The following NR6A1 variants were observed in gnomAD, a reference collection of about 807,000 sequenced individuals.
NR6A1 encodes the protein nuclear receptor subfamily 6 group A member 1, also known as retinoic acid receptor-related testis-associated receptor.
In NR6A1, 7 loss-of-function variants were observed where a neutral mutation model predicts 59.1. That is an observed-to-expected ratio of 0.12 (90% CI 0.07 to 0.22). The LOEUF (loss-of-function observed/expected upper bound fraction) is 0.22. Ranked by LOEUF, NR6A1 falls within the 10% of genes least tolerant of loss-of-function variation. The pLI is 1.00. For missense variants in NR6A1, 468 were observed against 611.6 expected, an observed-to-expected ratio of 0.77 and a Z score of 2.48; for synonymous variants, 243 against 236.1, an observed-to-expected ratio of 1.03 and a Z score of -0.27.
At chr9:124,770,887 A>T (rs1255332641) in intron 1 of NR6A1, 133 bp downstream of exon 1, 9 of 445,510 alleles carry the variant, frequency 2.0e-5, no homozygotes, top group Non-Finnish European at 3.0e-5. Flanking sequence ...AACGGGGTGA[A>T]GGGCCACCCT....
At position 124,526,859 on chromosome 9, in the gene NR6A1, T is replaced by C. The variant is rs764365515; in HGVS notation, c.1121A>G (p.Tyr374Cys). 4 of 1,614,008 alleles carry C rather than the reference T, an allele frequency of 2.5e-6. No homozygotes were observed. The highest frequency in any genetic ancestry group is 1.1e-5 in the South Asian group (1 of 91,074). ...EGMEVIERLI[Y>C]LYHKFHQLKV... ...TAGCTGATGGAACTTGTGATAGAGGTAGATGAGCCGCTCGATCACCTCCAT... is the reference window on the plus strand; with the variant it reads ...TAGCTGATGGAACTTGTGATAGAGGCAGATGAGCCGCTCGATCACCTCCAT... The change falls in exon 8 of 10, where the codon TAC (tyrosine) becomes TGC (cysteine). Residue 374 changes from tyrosine to cysteine, a missense_variant. Tyr to Cys is a radical substitution (Grantham distance 194, BLOSUM62 -2). Transcript: ENST00000487099.
chr9:124,534,840 T>C (rs766575654), intron 7 of NR6A1, among the ~76,000 whole-genome samples: 24 of 152,126 alleles, frequency 1.6e-4, no homozygotes, highest in Non-Finnish European at 2.8e-4. Flanking sequence ...ATTAAAAATA[T>C]CTAGTCTAGA....
chr9:124,664,229 T>C (rs1333478112), intron 2 of NR6A1, among the ~76,000 whole-genome samples: 1 of 152,222 alleles, frequency 6.6e-6, no homozygotes, highest in African/African-American at 2.4e-5. Flanking sequence ...ATGCTGGATA[T>C]ACCACATAAC....
At chr9:124,714,393 A>G (rs1321566544) in intron 2 of NR6A1, among the ~76,000 whole-genome samples, 1 of 152,210 alleles carries the variant, frequency 6.6e-6, no homozygotes, top group Non-Finnish European at 1.5e-5. Context: ...ATGCTACGTC[A>G]TGTATATTTT....
At chr9:124,673,434 A>C (rs1837854964) in intron 2 of NR6A1, among the ~76,000 whole-genome samples, 1 of 152,160 alleles carries the variant, frequency 6.6e-6, no homozygotes, top group Admixed American at 6.6e-5. Context: ...GTGGTAAAGA[A>C]AATAAATTTA....
At chr9:124,745,515 T>C (rs1462924613) in intron 1 of NR6A1, among the ~76,000 whole-genome samples, 1 of 150,766 alleles carries the variant, frequency 6.6e-6, no homozygotes, top group African/African-American at 2.4e-5. Flanking sequence ...TTACTAAAAA[T>C]ACAAAATTAG....
intron 2 of NR6A1, among the ~76,000 whole-genome samples, chr9:124,710,562 T>C (rs1222369574): frequency 6.6e-6 from 1 of 152,244 alleles, no homozygotes; most frequent in Non-Finnish European, 1.5e-5. Context: ...AGCCCCATGA[T>C]TCTCAAGGTA....
intron 2 of NR6A1, among the ~76,000 whole-genome samples, chr9:124,606,205 A>G (rs1835571763): frequency 6.6e-6 from 1 of 152,130 alleles, no homozygotes; most frequent in Non-Finnish European, 1.5e-5. Flanking sequence ...GCTAGTTTCC[A>G]TGAATTATTT....
At position 124,684,904 on chromosome 9, in the gene NR6A1, T is replaced by C. The variant is rs1236185518; in HGVS notation, c.142+48404A>G. ...TTTACAATAGTTTTGGGTGCATCCC[T>C]GAGGCTAAGATGTTTGACTCATCAG... On this transcript the variant is annotated intron_variant, in intron 2 of 9. Transcript: ENST00000487099. 2.6e-5 allele frequency among the ~76,000 whole-genome samples: 4 copies of C among 152,150 alleles called. 1 individual carries two copies. The highest frequency in any genetic ancestry group is 5.9e-5 in the Non-Finnish European group (4 of 68,034).
chr9:124,726,937 G>T lies in NR6A1; in HGVS notation c.142+6371C>A, dbSNP rs577400046. ...TTCTGATGGAAATAATAGAACTAGG[G>T]GAAATCAAATCTGGCAGGTGTCTAC... is the stretch of plus-strand genomic sequence containing the variant. On this transcript the variant is annotated intron_variant, in intron 2 of 9. Transcript: ENST00000487099. Among the ~76,000 whole-genome samples the T allele has an allele frequency of 6.0e-4, 91 of 152,220 alleles. 1 individual carries two copies. In the South Asian group the frequency reaches 0.018, roughly 31 times the overall value.
At chr9:124,608,129 A>G (rs1564199755) in intron 2 of NR6A1, among the ~76,000 whole-genome samples, 1 of 152,304 alleles carries the variant, frequency 6.6e-6, no homozygotes, top group East Asian at 1.9e-4. Context: ...AAAATTTAAA[A>G]AAGAAAAAAG....
chr9:124,688,361 GTCTC>G (rs1239687722), intron 2 of NR6A1, among the ~76,000 whole-genome samples: 1 of 151,962 alleles, frequency 6.6e-6, no homozygotes, highest in Non-Finnish European at 1.5e-5. Flanking sequence ...TGTGAATGTG[GTCTC>G]TCTCTCAGAA....
At chr9:124,576,284 T>C (rs1834588960) in intron 2 of NR6A1, among the ~76,000 whole-genome samples, 2 of 152,092 alleles carry the variant, frequency 1.3e-5, no homozygotes, top group Non-Finnish European at 1.5e-5. Flanking sequence ...AAGCTTTGTT[T>C]TGTTTTGTTG....
intron 2 of NR6A1, among the ~76,000 whole-genome samples, chr9:124,586,299 G>A (rs543980575): frequency 6.6e-6 from 1 of 152,284 alleles, no homozygotes; most frequent in East Asian, 1.9e-4. Context: ...ATTAACAGGA[G>A]TTTGGAAGAA....
At chr9:124,616,495 G>A (rs1253314643) in intron 2 of NR6A1, among the ~76,000 whole-genome samples, 4 of 151,558 alleles carry the variant, frequency 2.6e-5, no homozygotes, top group East Asian at 1.9e-4. Flanking sequence ...TACTGAGGGG[G>A]TGTCTTTCTA....
At chr9:124,623,931 C>T (rs1298458337) in intron 2 of NR6A1, among the ~76,000 whole-genome samples, 2 of 152,304 alleles carry the variant, frequency 1.3e-5, no homozygotes, top group Non-Finnish European at 2.9e-5. Flanking sequence ...TTACTTTGTG[C>T]CTGGCACCAG....
intron 2 of NR6A1, among the ~76,000 whole-genome samples, chr9:124,617,399 T>C (rs989869275): frequency 2.8e-4 from 42 of 152,224 alleles, no homozygotes; most frequent in African/African-American, 9.6e-4. Flanking sequence ...TTTCAGCAGC[T>C]GTAAGCCAGT....
intron 2 of NR6A1, among the ~76,000 whole-genome samples, chr9:124,559,184 G>C (rs968383766): frequency 3.3e-5 from 5 of 152,126 alleles, no homozygotes; most frequent in Non-Finnish European, 5.9e-5. Flanking sequence ...TTAAGAGTTA[G>C]AAAAGGCCTT....
intron 2 of NR6A1, among the ~76,000 whole-genome samples, chr9:124,636,480 C>T (rs979017714): frequency 5.3e-5 from 8 of 152,140 alleles, no homozygotes; most frequent in Admixed American, 1.3e-4. Context: ...TCTAAAACAT[C>T]ATGCCATCAT....
Sources: gnomAD v4.1 joint callset for allele counts (sites outside exome capture counted in the v4.1 genomes callset) on GRCh38, gnomAD v4.1.1 for gene constraint, MANE v1.5 for transcripts, NCBI Gene and HGNC (gene_info 2026-07-23, HGNC 2026-07-21) for gene names.